Variants in CIBAR2 observed in about 807,000 individuals in gnomAD.
CIBAR2 encodes CBY1-interacting BAR domain-containing protein 2.
Under a neutral mutation model 36.2 loss-of-function variants are expected in CIBAR2, and 38 were observed. That is an observed-to-expected ratio of 1.05 (90% CI 0.81 to 1.38). The LOEUF (loss-of-function observed/expected upper bound fraction) is 1.38. Among genes scored for constraint, CIBAR2 ranks in the 40% most tolerant of loss-of-function variants. The probability of loss-of-function intolerance (pLI) is 0.00; values close to 1 mark genes in which losing one functional copy is unlikely to be tolerated. For synonymous variants in CIBAR2, 182 were observed against 149.5 expected (o/e 1.22, Z -1.58); for missense variants, 481 against 383.4 (o/e 1.25, Z -2.13).
Position 85,099,010 on chromosome 16 carries a change from G to A in CIBAR2, c.*175C>T. The A allele has an allele frequency of 2.9e-6, 2 of 693,616 alleles. No individual in the cohort carries two copies. The highest frequency in any genetic ancestry group is 4.3e-6 in the Non-Finnish European group (2 of 470,280). The allele number at this position is 693,616 out of a possible 1,614,324, so 43.0% of individuals were successfully genotyped here. On this transcript the variant is annotated 3_prime_UTR_variant, in exon 9 of 9. Transcript: ENST00000539556. ...ACAGAAATGCAAAATGCTCTGGAAA[G>A]TCTCAGCAACAGAATTGAACAAGTA... is the stretch of plus-strand genomic sequence containing the variant.
At chr16:85,102,415 G>T in intron 6 of CIBAR2, 88 bp from the exon 7 acceptor site, 1 of 786,090 alleles carries the variant, frequency 1.3e-6, no homozygotes, top group Non-Finnish European at 2.3e-6. Context: ...GGGTGGGGGT[G>T]TGGAGGGCTG....
At position 85,099,297 on chromosome 16, in the gene CIBAR2, G is replaced by C. The variant is rs879435594; in HGVS notation, c.803C>G (p.Pro268Arg). 3 of 1,611,738 alleles carry C rather than the reference G, an allele frequency of 1.9e-6. No individual in the cohort carries two copies. The highest frequency in any genetic ancestry group is 2.5e-6 in the Non-Finnish European group (3 of 1,177,952). ...ACTAAACCTGCCATGATTGGCATGA[G>C]GATGTTCAGGGTCTTCATTTGCCCT... is the stretch of plus-strand genomic sequence containing the variant. ...LSRANEDPEHPHANHGRFSLC... is the reference protein window; with the variant it reads ...LSRANEDPEHRHANHGRFSLC... Residue 268 changes from proline to arginine, a missense_variant, in exon 9 of 9, where the codon CCT becomes CGT. Pro to Arg is a moderately radical substitution (Grantham distance 103). Coordinates refer to ENST00000539556, the MANE Select transcript of CIBAR2 (RefSeq NM_198491.3).
At chr16:85,112,256 T>G in intron 1 of CIBAR2, 77 bp downstream of exon 1, 13 of 986,092 alleles carry the variant, frequency 1.3e-5, no homozygotes, top group Middle Eastern at 2.4e-4. Flanking sequence ...CCTGCTGCCC[T>G]CATCTTTGTT....
In CIBAR2 at chr16:85,110,213, C is replaced by T. The variant is rs369672232; in HGVS notation, c.255+13G>A. On this transcript the variant is annotated intron_variant, in intron 2 of 8. Transcript: ENST00000539556. ...ACCCCTCAGCATCCCAGACCCGGGC[C>T]GGCAGCACTCACCTGGGCCTGCCGG... is the stretch of plus-strand genomic sequence containing the variant. 56 of 1,538,460 alleles carry T rather than the reference C, an allele frequency of 3.6e-5. No homozygotes were observed. The Middle Eastern group carries it at 7.0e-4, about 19-fold the overall frequency.
rs199822590 is a variant in CIBAR2 at position 85,102,359 on chromosome 16, A to C, written c.538-32T>G. The C allele has an allele frequency of 1.2e-5, 17 of 1,364,178 alleles. No homozygotes were observed. The African/African-American group carries it at 2.1e-4, about 17-fold the overall frequency. 84.5% of individuals were successfully genotyped at this position (1,364,178 alleles called of 1,614,324 possible). A position where few individuals can be genotyped will look rare whatever the true frequency, so the allele number is the denominator to read the frequency against. ...GGAGAGAAACCCAAAGAATGTAAGC[A>C]TCGCAGTGAGAAAGAGCCCAGGGAA... On this transcript the variant is annotated intron_variant, in intron 6 of 8. Transcript: ENST00000539556.
intron 2 of CIBAR2, among the ~76,000 whole-genome samples, chr16:85,109,590 C>A (rs1173008363): frequency 6.6e-6 from 1 of 152,220 alleles, no homozygotes; most frequent in Non-Finnish European, 1.5e-5. Flanking sequence ...GAGGCATGAT[C>A]ATGGCCCCAG....
chr16:85,112,038 G>A (rs1329759692), intron 1 of CIBAR2, among the ~76,000 whole-genome samples: 2 of 152,172 alleles, frequency 1.3e-5, no homozygotes, highest in African/African-American at 2.4e-5. Flanking sequence ...GAGGTGTGAT[G>A]GGGGTTTTCC....
At position 85,099,062 on chromosome 16, in the gene CIBAR2, C is replaced by T; in HGVS notation, c.*123G>A. On this transcript the variant is annotated 3_prime_UTR_variant, in exon 9 of 9. Coordinates refer to ENST00000539556, the MANE Select transcript of CIBAR2 (RefSeq NM_198491.3). ...AAGAAGGAAATTCAGAGCTTGAAGA[C>T]AAGGTCTTTGAATTAACACAATCCA... 5 of 1,161,640 alleles carry T rather than the reference C, an allele frequency of 4.3e-6. No homozygotes were observed. In the South Asian group the frequency reaches 1.1e-4, roughly 25 times the overall value. The allele number at this position is 1,161,640 out of a possible 1,614,324, so 72.0% of individuals were successfully genotyped here.
chr16:85,099,668 G>T (rs2073939055), intron 8 of CIBAR2, among the ~76,000 whole-genome samples: 1 of 151,512 alleles, frequency 6.6e-6, no homozygotes, highest in Non-Finnish European at 1.5e-5. Context: ...CTGTAACCCG[G>T]GCTGGAGTGC....
chr16:85,105,558 T>G, intron 5 of CIBAR2, 127 bp from the exon 6 acceptor site: 1 of 674,820 alleles, frequency 1.5e-6, no homozygotes, highest in South Asian at 1.8e-5. Flanking sequence ...GGGACGTTTC[T>G]TGCTAATTGG....
chr16:85,105,267 T>A (rs1020168823), intron 6 of CIBAR2, 60 bp downstream of exon 6: 9 of 972,940 alleles, frequency 9.3e-6, no homozygotes, highest in Non-Finnish European at 1.5e-5. Flanking sequence ...TGTACACACG[T>A]GCATGCACAC....
chr16:85,104,142 G>C (rs970042749), intron 6 of CIBAR2, among the ~76,000 whole-genome samples: 8 of 152,256 alleles, frequency 5.3e-5, no homozygotes, highest in African/African-American at 1.9e-4. Context: ...GGCCTGACCA[G>C]TCTTGGGTCC....
rs1406378472 is a variant in CIBAR2 at position 85,098,946 on chromosome 16, G to A, written c.*239C>T. 4 of 447,946 alleles carry A rather than the reference G, an allele frequency of 8.9e-6. No homozygotes were observed. The highest frequency in any genetic ancestry group is 6.5e-4 in the Middle Eastern group (1 of 1,550). The allele number at this position is 447,946 out of a possible 1,614,324, so 27.7% of individuals were successfully genotyped here. ...CGGACCAAGAAATAGATAGCATAAA[G>A]AAAAACAATCAAAACTTCAGGAAAC... On this transcript the variant is annotated 3_prime_UTR_variant, in exon 9 of 9. Transcript: ENST00000539556.
At chr16:85,111,055 G>A (rs979664543) in intron 1 of CIBAR2, among the ~76,000 whole-genome samples, 3 of 152,028 alleles carry the variant, frequency 2.0e-5, no homozygotes, top group Non-Finnish European at 4.4e-5. Flanking sequence ...CAGCAGGTGC[G>A]CGATGACTGA....
chr16:85,111,978 G>A (rs964487113), intron 1 of CIBAR2, among the ~76,000 whole-genome samples: 3 of 152,246 alleles, frequency 2.0e-5, no homozygotes, highest in African/African-American at 4.8e-5. Context: ...GGCATGGGCC[G>A]GGGCAGTGTG....
Position 85,100,246 on chromosome 16 carries a change from G to A in CIBAR2, c.652-6C>T, listed in dbSNP as rs779705252. ...TGCATCTTGGCTCTAAAATCCTGCCGGGGAGAGACCAGGGTGGGTGGGATC... is the reference window on the plus strand; with the variant it reads ...TGCATCTTGGCTCTAAAATCCTGCCAGGGAGAGACCAGGGTGGGTGGGATC... On this transcript the variant is annotated splice_polypyrimidine_tract_variant and splice_region_variant and intron_variant, in intron 7 of 8. Transcript: ENST00000539556. The A allele has an allele frequency of 9.4e-6, 15 of 1,599,820 alleles. No homozygotes were observed. Among genetic ancestry groups the A allele is most frequent in the Middle Eastern group, 1.7e-4 (1 of 6,038 alleles).
intron 6 of CIBAR2, among the ~76,000 whole-genome samples, chr16:85,104,626 G>C (rs762471851): frequency 6.6e-6 from 1 of 152,160 alleles, no homozygotes; most frequent in Non-Finnish European, 1.5e-5. Flanking sequence ...TGAGGCAGGA[G>C]AATCACTTAA....
At chr16:85,108,174 C>A (rs2074012580) in intron 2 of CIBAR2, 75 bp from the exon 3 acceptor site, 3 of 1,405,768 alleles carry the variant, frequency 2.1e-6, no homozygotes, top group Non-Finnish European at 2.9e-6. Flanking sequence ...TAAAGCAGAG[C>A]CGGCACCCGG....
chr16:85,102,227 T>C lies in CIBAR2; in HGVS notation c.638A>G (p.Glu213Gly). ...TCTGTGACTCACCAGTAGATCCCTC[T>C]CCAGGTCATACTTCTCCAGGGTCTG... ...AFQTLEKYDLERDLLDFRAKM... is the reference protein window; with the variant it reads ...AFQTLEKYDLGRDLLDFRAKM... The change falls in exon 7 of 9, where the codon GAG becomes GGG. Residue 213 changes from glutamate to glycine, a missense_variant. Glu to Gly is a moderately conservative substitution (Grantham distance 98). Transcript: ENST00000539556. 1 of 1,595,432 alleles carries C rather than the reference T, an allele frequency of 6.3e-7. No homozygotes were observed. Among genetic ancestry groups the C allele is most frequent in the Non-Finnish European group, 8.6e-7 (1 of 1,162,942 alleles).
Sources: allele counts gnomAD v4.1 joint callset (sites outside exome capture counted in the v4.1 genomes callset), GRCh38; gene constraint gnomAD v4.1.1; transcripts MANE v1.5; gene names NCBI Gene and HGNC (gene_info 2026-07-23, HGNC 2026-07-21).